KIAA0586: variants seen among roughly 807,000 people sequenced by gnomAD.
KIAA0586 encodes KIAA0586.
Under a neutral mutation model 169.8 loss-of-function variants are expected in KIAA0586, and 144 were observed. The ratio of observed to expected loss-of-function variants is 0.85; its 90% confidence interval spans 0.74 to 0.97. The LOEUF is 0.97. Among genes scored for constraint, KIAA0586 ranks in the 50% least tolerant of loss-of-function variants. The probability of loss-of-function intolerance (pLI) is 0.00; values close to 1 mark genes in which losing one functional copy is unlikely to be tolerated. For missense variants in KIAA0586, 1,854 were observed against 1,823.0 expected, an observed-to-expected ratio of 1.02 and a Z score of -0.31; for synonymous variants, 625 against 612.4, an observed-to-expected ratio of 1.02 and a Z score of -0.30.
In KIAA0586 at chr14:58,550,467, T is replaced by TA. The variant is rs1217584460; in HGVS notation, c.*2536dup. ...AAAATTTTTATTTTATATTAAATTT[T>TA]ACAATTTCCAACTTCCGGAATAAAC... On this transcript the variant is annotated 3_prime_UTR_variant, in exon 31 of 31. Coordinates refer to ENST00000652326, the MANE Select transcript of KIAA0586 (RefSeq NM_001329943.3). 1 of 152,180 alleles carries TA rather than the reference T, an allele frequency of 6.6e-6. No individual in the cohort carries two copies. Among genetic ancestry groups the TA allele is most frequent in the Non-Finnish European group, 1.5e-5 (1 of 68,030 alleles). 9.4% of individuals were successfully genotyped at this position (152,180 alleles called of 1,614,324 possible).
chr14:58,500,138 A>G (rs2043450765), intron 27 of KIAA0586, among the ~76,000 whole-genome samples: 1 of 152,240 alleles, frequency 6.6e-6, no homozygotes, highest in Non-Finnish European at 1.5e-5. Flanking sequence ...GTCACCACAA[A>G]CATATTAACA....
chr14:58,523,438 A>G (rs1375280869), intron 29 of KIAA0586, among the ~76,000 whole-genome samples: 1 of 152,130 alleles, frequency 6.6e-6, no homozygotes, highest in African/African-American at 2.4e-5. Flanking sequence ...ATTTCCTGAA[A>G]CTTGACTTTA....
At chr14:58,470,531 A>T in intron 16 of KIAA0586, 82 bp from the exon 17 acceptor site, 1 of 759,226 alleles carries the variant, frequency 1.3e-6, no homozygotes, top group African/African-American at 1.7e-5. Flanking sequence ...ACACACACAC[A>T]TATACATGTA....
Position 58,542,908 on chromosome 14 carries a change from G to A in KIAA0586, c.4495+2772G>A, listed in dbSNP as rs1344379478. ...TGTAATCCCAGCACTTTGGGAGGCC[G>A]AGGCAGGTGGATCACGAGATCAGGA... is the stretch of plus-strand genomic sequence containing the variant. On this transcript the variant is annotated intron_variant, in intron 30 of 30. Transcript: ENST00000652326. Among the ~76,000 whole-genome samples, 9 of 151,926 alleles carry A rather than the reference G, an allele frequency of 5.9e-5. No individual in the cohort carries two copies. In the South Asian group the frequency reaches 6.2e-4, roughly 11 times the overall value.
chr14:58,537,071 T>C, intron 29 of KIAA0586: 4 of 1,259,608 alleles, frequency 3.2e-6, no homozygotes, highest in African/African-American at 1.5e-5. Context: ...TCAAGTTGTG[T>C]TGACCTAGTT....
chr14:58,484,947 T>A (rs2042338146), intron 21 of KIAA0586, among the ~76,000 whole-genome samples: 1 of 92,818 alleles, frequency 1.1e-5, no homozygotes, highest in African/African-American at 4.1e-5. Flanking sequence ...TTTTTTTTTT[T>A]TTTTGAGATG....
chr14:58,505,213 A>G (rs2043853832), intron 27 of KIAA0586, among the ~76,000 whole-genome samples: 1 of 152,194 alleles, frequency 6.6e-6, no homozygotes, highest in African/African-American at 2.4e-5. Context: ...TTAAGATCAT[A>G]TCTTGCACAC....
Position 58,547,863 on chromosome 14 carries a change from C to T in KIAA0586, c.4578C>T (p.Asp1526=), listed in dbSNP as rs1239802095. ...SVMLPSVNLE[D]CSQSLSLSTM... The stretch of plus-strand genomic sequence containing the variant: ...TGCTGCCGTCAGTGAACCTCGAGGA[C>T]TGCTCTCAGTCTCTGAGTCTCAGCA... The change falls in exon 31 of 31, where the codon GAC becomes GAT. Residue 1526 remains aspartate (D), a synonymous_variant. Coordinates refer to ENST00000652326, the MANE Select transcript of KIAA0586 (RefSeq NM_001329943.3). The T allele has an allele frequency of 1.2e-6, 2 of 1,613,672 alleles. No individual in the cohort carries two copies. The highest frequency in any genetic ancestry group is 1.7e-6 in the Non-Finnish European group (2 of 1,179,756).
intron 28 of KIAA0586, among the ~76,000 whole-genome samples, chr14:58,509,653 G>T (rs964055109): frequency 1.3e-5 from 2 of 152,154 alleles, no homozygotes; most frequent in African/African-American, 4.8e-5. Flanking sequence ...TGGAACACAT[G>T]ATTATGTGGG....
intron 6 of KIAA0586, among the ~76,000 whole-genome samples, 176 bp downstream of exon 6, chr14:58,444,351 A>T (rs2038671857): frequency 1.3e-5 from 2 of 152,124 alleles, no homozygotes. Flanking sequence ...TATATCTCAA[A>T]TGTCACTAGT....
At chr14:58,536,082 T>C (rs907437476) in intron 29 of KIAA0586, among the ~76,000 whole-genome samples, 1 of 152,186 alleles carries the variant, frequency 6.6e-6, no homozygotes, top group African/African-American at 2.4e-5. Flanking sequence ...ATAACTGTTA[T>C]AAAGCCCAAA....
the KIAA0586 span, among the ~76,000 whole-genome samples, chr14:58,556,463 A>G: frequency 1.3e-5 from 2 of 152,334 alleles, no homozygotes; most frequent in Admixed American, 6.5e-5. Context: ...GGAGAGCTCA[A>G]TGAATTTCTA....
At chr14:58,523,201 CTTG>C (rs1387815798) in intron 29 of KIAA0586, among the ~76,000 whole-genome samples, 1 of 152,028 alleles carries the variant, frequency 6.6e-6, no homozygotes, top group Non-Finnish European at 1.5e-5. Flanking sequence ...AACATTTTTA[CTTG>C]TTGGTACTAA....
chr14:58,546,425 A>G (rs906720228), intron 30 of KIAA0586, among the ~76,000 whole-genome samples: 1 of 152,260 alleles, frequency 6.6e-6, no homozygotes. Flanking sequence ...TAAAAATTTA[A>G]TGAAAAATTC....
At chr14:58,452,550 A>G (rs986635970) in intron 8 of KIAA0586, among the ~76,000 whole-genome samples, 8 of 152,252 alleles carry the variant, frequency 5.3e-5, no homozygotes, top group Non-Finnish European at 1.2e-4. Flanking sequence ...TGGTACTTTG[A>G]AGAAATAGAT....
chr14:58,512,481 C>A, intron 28 of KIAA0586, 41 bp from the exon 29 acceptor site: 1 of 1,107,424 alleles, frequency 9.0e-7, no homozygotes, highest in Non-Finnish European at 1.2e-6. Context: ...TTTTAAGTAA[C>A]TAAAAAATAA....
At chr14:58,477,098 T>C in intron 19 of KIAA0586, 25 bp from the exon 20 acceptor site, 1 of 1,293,748 alleles carries the variant, frequency 7.7e-7, no homozygotes, top group African/African-American at 1.5e-5. Flanking sequence ...AATCTTAACT[T>C]TTATCTGCCC....
intron 29 of KIAA0586, among the ~76,000 whole-genome samples, chr14:58,533,958 A>G (rs2046136955): frequency 6.6e-6 from 1 of 152,184 alleles, no homozygotes; most frequent in Non-Finnish European, 1.5e-5. Context: ...CACTCTTTCA[A>G]AAGTTACCAG....
At chr14:58,435,230 T>A (rs2037724601) in intron 4 of KIAA0586, among the ~76,000 whole-genome samples, 2 of 152,318 alleles carry the variant, frequency 1.3e-5, no homozygotes, top group South Asian at 4.1e-4. Context: ...ACTACAATAA[T>A]TCATGATCTA....
Sources: allele counts gnomAD v4.1 joint callset (sites outside exome capture counted in the v4.1 genomes callset), GRCh38; gene constraint gnomAD v4.1.1; transcripts MANE v1.5; gene names NCBI Gene and HGNC (gene_info 2026-07-23, HGNC 2026-07-21).